GALNT13: variants seen among roughly 807,000 people sequenced by gnomAD.
GALNT13 encodes the protein UDP-GalNAc:polypeptide N-acetylgalactosaminyltransferase 13.
Under a neutral mutation model 64.2 loss-of-function variants are expected in GALNT13, and 28 were observed. The observed-to-expected ratio is 0.44, with a 90% CI of 0.32 to 0.60. The LOEUF is 0.60. Among genes scored for constraint, GALNT13 ranks in the 20% least tolerant of loss-of-function variants. The probability of loss-of-function intolerance (pLI) is 0.05; values close to 1 mark genes in which losing one functional copy is unlikely to be tolerated. For synonymous variants in GALNT13, 214 were observed against 224.6 expected, an observed-to-expected ratio of 0.95 and a Z score of 0.42; for missense variants, 577 against 669.8, an observed-to-expected ratio of 0.86 and a Z score of 1.53.
At chr2:154,081,306 C>A (rs76760935) in intron 3 of GALNT13, among the ~76,000 whole-genome samples, 2 of 151,600 alleles carry the variant, frequency 1.3e-5, no homozygotes, top group East Asian at 3.9e-4. Context: ...GCCATCTTCT[C>A]GAGAGAGAAT....
chr2:153,526,728 C>T, the GALNT13 span, among the ~76,000 whole-genome samples: 4 of 152,078 alleles, frequency 2.6e-5, no homozygotes, highest in African/African-American at 9.7e-5. Context: ...CAGTTATCAA[C>T]AGAGATATGT....
chr2:153,813,893 G>A, the GALNT13 span, among the ~76,000 whole-genome samples: 2 of 152,132 alleles, frequency 1.3e-5, no homozygotes, highest in Non-Finnish European at 2.9e-5. Flanking sequence ...GGGATCACTC[G>A]CTCAGCCAAA....
At chr2:153,592,623 A>G in the GALNT13 span, among the ~76,000 whole-genome samples, 1 of 152,242 alleles carries the variant, frequency 6.6e-6, no homozygotes, top group Non-Finnish European at 1.5e-5. Context: ...GTTCTCACTC[A>G]TAAATGGGTG....
the GALNT13 span, among the ~76,000 whole-genome samples, chr2:153,294,077 C>A: frequency 5.3e-5 from 8 of 152,312 alleles, no homozygotes; most frequent in Middle Eastern, 3.4e-3. Context: ...CCTGCCTTGA[C>A]TTCCCAGAGT....
At chr2:153,779,045 G>T in the GALNT13 span, among the ~76,000 whole-genome samples, 1 of 152,146 alleles carries the variant, frequency 6.6e-6, no homozygotes, top group Non-Finnish European at 1.5e-5. Flanking sequence ...AATTTAGGGT[G>T]ACCTATTATT....
chr2:153,345,628 C>CTTT, the GALNT13 span, among the ~76,000 whole-genome samples: 331 of 108,692 alleles, frequency 3.0e-3, 1 homozygote, highest in Non-Finnish European at 4.4e-3. Context: ...CTTTTCTTTT[C>CTTT]CTTTCTTTTT....
At chr2:153,495,168 C>A in the GALNT13 span, among the ~76,000 whole-genome samples, 33 of 151,966 alleles carry the variant, frequency 2.2e-4, no homozygotes, top group African/African-American at 7.7e-4. Context: ...AGATGTAGAA[C>A]AACTAGAATT....
intron 4 of GALNT13, among the ~76,000 whole-genome samples, chr2:154,194,263 A>G (rs2105763403): frequency 6.6e-6 from 1 of 152,328 alleles, no homozygotes; most frequent in South Asian, 2.1e-4. Flanking sequence ...AGTTAATCAT[A>G]TACTAACACT....
At chr2:153,699,729 C>T in the GALNT13 span, among the ~76,000 whole-genome samples, 2 of 152,092 alleles carry the variant, frequency 1.3e-5, no homozygotes, top group Non-Finnish European at 2.9e-5. Flanking sequence ...TGCAAATAAC[C>T]TAGAAAATCT....
chr2:154,360,503 C>T (rs1524917), intron 9 of GALNT13, among the ~76,000 whole-genome samples: 6,853 of 152,112 alleles, frequency 0.045, 547 homozygotes, highest in Admixed American at 0.22. Context: ...GTGTTTTATC[C>T]CAGTATAGGG....
chr2:154,238,191 G>A (rs945013590), intron 4 of GALNT13, among the ~76,000 whole-genome samples: 3 of 151,928 alleles, frequency 2.0e-5, no homozygotes, highest in African/African-American at 7.2e-5. Flanking sequence ...TCCACAAGAG[G>A]TTGACACTGT....
the GALNT13 span, among the ~76,000 whole-genome samples, chr2:153,769,454 A>G: frequency 6.7e-6 from 1 of 150,280 alleles, no homozygotes; most frequent in Admixed American, 6.7e-5. Context: ...TAAATCTGTT[A>G]TTAGTCTGAT....
At chr2:153,660,575 T>C in the GALNT13 span, among the ~76,000 whole-genome samples, 1 of 149,346 alleles carries the variant, frequency 6.7e-6, no homozygotes, top group African/African-American at 2.4e-5. Flanking sequence ...TATAATATTA[T>C]GGAGGATGTA....
the GALNT13 span, among the ~76,000 whole-genome samples, chr2:153,357,956 A>G: frequency 6.6e-6 from 1 of 152,198 alleles, no homozygotes; most frequent in African/African-American, 2.4e-5. Context: ...GCATTTAGGG[A>G]CATATAGCTA....
intron 3 of GALNT13, among the ~76,000 whole-genome samples, chr2:154,034,500 T>C (rs750139340): frequency 6.6e-6 from 1 of 152,204 alleles, no homozygotes; most frequent in Non-Finnish European, 1.5e-5. Flanking sequence ...TATTGCATAA[T>C]GGTAAAGTCT....
At chr2:154,333,715 C>A (rs778454515) in intron 9 of GALNT13, among the ~76,000 whole-genome samples, 14 of 152,014 alleles carry the variant, frequency 9.2e-5, no homozygotes, top group Non-Finnish European at 1.3e-4. Flanking sequence ...TGACTAATAG[C>A]AATTATAAAT....
At chr2:153,633,716 T>C in the GALNT13 span, among the ~76,000 whole-genome samples, 1 of 152,180 alleles carries the variant, frequency 6.6e-6, no homozygotes, top group Non-Finnish European at 1.5e-5. Context: ...ATAGTCTTCT[T>C]AGCGTATTTT....
the GALNT13 span, among the ~76,000 whole-genome samples, chr2:153,552,068 C>T: frequency 6.6e-6 from 1 of 152,056 alleles, no homozygotes; most frequent in African/African-American, 2.4e-5. Flanking sequence ...AGGAGAAATG[C>T]TCAAATGTCA....
At chr2:153,415,660 A>C in the GALNT13 span, among the ~76,000 whole-genome samples, 1 of 152,220 alleles carries the variant, frequency 6.6e-6, no homozygotes, top group Admixed American at 6.5e-5. Flanking sequence ...ATTGAATTAC[A>C]AAAGCAAGAA....
Sources: allele counts gnomAD v4.1 joint callset (sites outside exome capture counted in the v4.1 genomes callset), GRCh38; gene constraint gnomAD v4.1.1; transcripts MANE v1.5; gene names NCBI Gene and HGNC (gene_info 2026-07-23, HGNC 2026-07-21).